VARS1: variants seen among roughly 807,000 people sequenced by gnomAD.
The protein encoded by VARS1 is valyl-tRNA synthetase 1.
VARS1 carries 92 observed loss-of-function variants against 161.0 expected under a neutral mutation model. The ratio of observed to expected loss-of-function variants is 0.57; its 90% CI spans 0.48 to 0.68. VARS1 has a LOEUF of 0.68. Ranked by LOEUF, VARS1 falls within the 30% of genes least tolerant of loss-of-function variation. The pLI, the probability that VARS1 is intolerant of heterozygous loss-of-function variation, is 0.00. For synonymous variants in VARS1, 595 were observed against 682.5 expected (o/e 0.87, Z 2.00); for missense variants, 1,338 against 1,695.9 (o/e 0.79, Z 3.71).
rs1311636896 is a variant in VARS1, at chr6:31,778,503, T to C, written c.3726+464A>G. 6.6e-6 allele frequency among the ~76,000 whole-genome samples: 1 copy of C among 151,912 alleles called. No homozygotes were observed. Among genetic ancestry groups the C allele is most frequent in the African/African-American group, 2.4e-5 (1 of 41,358 alleles). On this transcript the variant is annotated intron_variant, in intron 29 of 29. Transcript: ENST00000375663. The surrounding 1 kb of genome is among the most constrained non-coding windows in gnomAD (Gnocchi z 5.1). The stretch of plus-strand genomic sequence containing the variant: ...GTCCAGCTTCCAGACCAGGATTGGT[T>C]TTTGTTTTGTTTTGTTTTTTTTCCA...
At position 31,781,487 on chromosome 6, in the gene VARS1, A is replaced by G. The variant is rs1343762468; in HGVS notation, c.2538T>C (p.Phe846=). The part of the protein sequence containing the change: ...LGLKLTGRLP[F]REVYLHAIVR... Reference sequence around the variant, plus strand: ...GTCTCGGCTGTCTCCGCACCTCTCTAAAGGGCAGCCTGCCCGTGAGCTTCA... The same window carrying G: ...GTCTCGGCTGTCTCCGCACCTCTCTGAAGGGCAGCCTGCCCGTGAGCTTCA... The change falls in exon 21 of 30, where the codon TTT becomes TTC. Residue 846 remains phenylalanine, a synonymous_variant. Coordinates refer to ENST00000375663, the MANE Select transcript of VARS1 (RefSeq NM_006295.3). The surrounding 1 kb of genome is among the most constrained non-coding windows in gnomAD (Gnocchi z 6.8). 6.2e-7 allele frequency: 1 copy of G among 1,612,478 alleles called. No individual in the cohort carries two copies. Among genetic ancestry groups the G allele is most frequent in the Admixed American group, 1.7e-5 (1 of 59,990 alleles).
chr6:31,784,224 G>C lies in VARS1; in HGVS notation c.1661C>G (p.Thr554Ser). 1.9e-6 allele frequency: 3 copies of C among 1,614,148 alleles called. No individual in the cohort carries two copies. The highest frequency in any genetic ancestry group is 2.5e-6 in the Non-Finnish European group (3 of 1,180,046). Residue 554 changes from threonine to serine, a missense_variant, in exon 13 of 30, where the codon ACC (threonine) becomes AGC (serine). Thr to Ser is a moderately conservative substitution (Grantham distance 58). Coordinates refer to ENST00000375663, the MANE Select transcript of VARS1 (RefSeq NM_006295.3). This position sits in a 1 kb window ranked among gnomAD's most constrained non-coding sequence, Gnocchi z 6.1. ...DVAVAVHPKD[T>S]RYQHLKGKNV... ...TGGACAGTCCCCCACCTGGTATCTG[G>C]TATCTTTGGGGTGCACAGCTACAGC...
Position 31,780,167 on chromosome 6 carries a change from G to T in VARS1, c.2926-14C>A, listed in dbSNP as rs376084333. The stretch of plus-strand genomic sequence containing the variant: ...ATGGCCTCCGGGCTTGGGGAGAGAG[G>T]GTGTATCAGCCGGCGGGCCAGGGGA... On this transcript the variant is annotated splice_polypyrimidine_tract_variant and intron_variant, in intron 25 of 29. Coordinates refer to ENST00000375663, the MANE Select transcript of VARS1 (RefSeq NM_006295.3). The surrounding 1 kb of genome is among the most constrained non-coding windows in gnomAD (Gnocchi z 5.1). 15 of 1,612,636 alleles carry T rather than the reference G, an allele frequency of 9.3e-6. No homozygotes were observed. The highest frequency in any genetic ancestry group is 1.2e-5 in the Non-Finnish European group (14 of 1,179,754).
intron 8 of VARS1, among the ~76,000 whole-genome samples, chr6:31,790,861 A>G (rs1581657182): frequency 6.6e-6 from 1 of 152,314 alleles, no homozygotes; most frequent in Middle Eastern, 3.4e-3. Flanking sequence ...GTACGTGTAT[A>G]TGTAAGTAAA....
Position 31,784,483 on chromosome 6 carries a change from G to C in VARS1, c.1487C>G (p.Thr496Arg). 6.2e-7 allele frequency: 1 copy of C among 1,614,090 alleles called. No homozygotes were observed. Among genetic ancestry groups the C allele is most frequent in the Non-Finnish European group, 8.5e-7 (1 of 1,180,032 alleles). Residue 496 changes from threonine (T) to arginine (R), a missense_variant, in exon 12 of 30, where the codon ACA (threonine) becomes AGA (arginine). Around this residue, in one of 3 missense-constraint regions of VARS1, gnomAD observed 902 missense variants for 1,090.3 expected, o/e 0.83. Transcript: ENST00000375663. The surrounding 1 kb of genome is among the most constrained non-coding windows in gnomAD (Gnocchi z 6.1). ...AGGCACGGAGAGCAGGGTGCGACCTGTCAGCTCCTTCTTATCCACCTGTAA... is the reference window on the plus strand; with the variant it reads ...AGGCACGGAGAGCAGGGTGCGACCTCTCAGCTCCTTCTTATCCACCTGTAA... The part of the protein sequence containing the change: ...SDIEVDKKEL[T>R]GRTLLSVPGY...
intron 2 of VARS1, among the ~76,000 whole-genome samples, chr6:31,794,384 C>A (rs1330030383): frequency 6.6e-6 from 1 of 152,192 alleles, no homozygotes; most frequent in Non-Finnish European, 1.5e-5. Flanking sequence ...TAGTTACAAT[C>A]TGGCAGGGTT....
At chr6:31,794,093 CAAAAAA>C (rs33960246) in intron 2 of VARS1, among the ~76,000 whole-genome samples, 4 of 71,164 alleles carry the variant, frequency 5.6e-5, no homozygotes, top group Non-Finnish European at 9.1e-5. Context: ...GATTCTGTCT[CAAAAAA>C]AAAAAAAAAA....
At position 31,784,250 on chromosome 6, in the gene VARS1, C is replaced by A. The variant is rs1272083453; in HGVS notation, c.1635G>T (p.Val545=). The A allele has an allele frequency of 6.2e-7, 1 of 1,614,076 alleles. No homozygotes were observed. The highest frequency in any genetic ancestry group is 1.7e-5 in the Admixed American group (1 of 60,002). ...TTRIETMLGD[V]AVAVHPKDTR... ...TATCTTTGGGGTGCACAGCTACAGC[C>A]ACATCTCCCAGCATTGTCTCGATCC... is the stretch of plus-strand genomic sequence containing the variant. Residue 545 remains valine (V), a synonymous_variant, in exon 13 of 30, where the codon GTG becomes GTT. Coordinates refer to ENST00000375663, the MANE Select transcript of VARS1 (RefSeq NM_006295.3). This position sits in a 1 kb window ranked among gnomAD's most constrained non-coding sequence, Gnocchi z 6.1.
intron 2 of VARS1, 86 bp downstream of exon 2, chr6:31,794,744 AC>A: frequency 6.9e-7 from 1 of 1,455,064 alleles, no homozygotes; most frequent in Non-Finnish European, 9.2e-7. Flanking sequence ...CATCTGATGT[AC>A]TACCTTCTTG....
chr6:31,792,992 G>A lies in VARS1; in HGVS notation c.516C>T (p.Phe172=), dbSNP rs779054420. Residue 172 remains phenylalanine (F), a synonymous_variant, in exon 3 of 30, where the codon TTC becomes TTT. Transcript: ENST00000375663. ...CCCAGGCCTGGTGACTCACGTATCGGAAAGGCAGCAGCAAGGCTGTGACAG... is the reference window on the plus strand; with the variant it reads ...CCCAGGCCTGGTGACTCACGTATCGAAAAGGCAGCAGCAAGGCTGTGACAG... ...LAAVTALLLP[F]RYVLDPPARR... The A allele has an allele frequency of 9.3e-6, 15 of 1,613,634 alleles. No homozygotes were observed. The highest frequency in any genetic ancestry group is 3.3e-4 in the Middle Eastern group (2 of 6,062).
rs1370405963 is a variant in VARS1 at position 31,779,588 on chromosome 6, C to T, written c.3288+20G>A. The T allele has an allele frequency of 1.2e-6, 2 of 1,611,348 alleles. No individual in the cohort carries two copies. The highest frequency in any genetic ancestry group is 1.7e-6 in the Non-Finnish European group (2 of 1,178,988). ...GGCCTGGAGGGCAGGTCAGACTCCC[C>T]TCTCCAGGCCATGCCATACCTCTGA... On this transcript the variant is annotated intron_variant, in intron 27 of 29. Coordinates refer to ENST00000375663, the MANE Select transcript of VARS1 (RefSeq NM_006295.3). The surrounding 1 kb of genome is among the most constrained non-coding windows in gnomAD (Gnocchi z 9.1).
At position 31,782,167 on chromosome 6, in the gene VARS1, T is replaced by C. The variant is rs749304155; in HGVS notation, c.2161A>G (p.Ile721Val). The change falls in exon 18 of 30, where the codon ATT (isoleucine) becomes GTT (valine). Residue 721 changes from isoleucine to valine, a missense_variant. Transcript: ENST00000375663. This position sits in a 1 kb window ranked among gnomAD's most constrained non-coding sequence, Gnocchi z 8.3. ...TGGCCCCACCACAGCTGCCTGGAAA[T>C]GCACCACTCCCTGCAAATGTCGGGG... ...AWMDNIREWC[I>V]SRQLWWGHRI... 2.5e-6 allele frequency: 4 copies of C among 1,613,768 alleles called. No individual in the cohort carries two copies. The highest frequency in any genetic ancestry group is 3.4e-6 in the Non-Finnish European group (4 of 1,179,850).
intron 8 of VARS1, among the ~76,000 whole-genome samples, chr6:31,787,228 A>G (rs936077800): frequency 5.3e-5 from 8 of 152,228 alleles, no homozygotes. Flanking sequence ...AAATAAATAA[A>G]TAAACAAATA....
Position 31,784,508 on chromosome 6 carries a change from A to C in VARS1, c.1468-6T>G. 1 of 1,613,976 alleles carries C rather than the reference A, an allele frequency of 6.2e-7. No individual in the cohort carries two copies. The highest frequency in any genetic ancestry group is 1.1e-5 in the South Asian group (1 of 91,086). ...GTCAGCTCCTTCTTATCCACCTGTA[A>C]AATGGGTATTTAGAGGCGTGGCCCA... On this transcript the variant is annotated splice_region_variant and splice_polypyrimidine_tract_variant and intron_variant, in intron 11 of 29. Transcript: ENST00000375663. The surrounding 1 kb of genome is among the most constrained non-coding windows in gnomAD (Gnocchi z 6.1).
chr6:31,782,944 T>C lies in VARS1; in HGVS notation c.1763-99A>G. The C allele has an allele frequency of 6.5e-7, 1 of 1,533,314 alleles. No homozygotes were observed. The highest frequency in any genetic ancestry group is 1.4e-5 in the African/African-American group (1 of 73,196). 95.0% of individuals were successfully genotyped at this position (1,533,314 alleles called of 1,614,324 possible). A position where few individuals can be genotyped will look rare whatever the true frequency, so the allele number is the denominator to read the frequency against. ...AAGGATGTAGCTCCGAGACCACTCC[T>C]GGCCCCCACTTGTCTAATACAGTCC... On this transcript the variant is annotated intron_variant, in intron 14 of 29. Coordinates refer to ENST00000375663, the MANE Select transcript of VARS1 (RefSeq NM_006295.3). The surrounding 1 kb of genome is among the most constrained non-coding windows in gnomAD (Gnocchi z 8.3).
In VARS1 at chr6:31,778,757, T is replaced by C. The variant is rs1009733076; in HGVS notation, c.3726+210A>G. On this transcript the variant is annotated intron_variant, in intron 29 of 29. Transcript: ENST00000375663. This position sits in a 1 kb window ranked among gnomAD's most constrained non-coding sequence, Gnocchi z 5.1. Reference sequence around the variant, plus strand: ...CCTGGGCTCAAGTGATCCACCCACCTTGGCCTCCCAAATTTCTGGGATTAC... The same window carrying C: ...CCTGGGCTCAAGTGATCCACCCACCCTGGCCTCCCAAATTTCTGGGATTAC... 1 of 652,968 alleles carries C rather than the reference T, an allele frequency of 1.5e-6. No homozygotes were observed. Among genetic ancestry groups the C allele is most frequent in the Non-Finnish European group, 2.6e-6 (1 of 389,814 alleles). 40.4% of individuals were successfully genotyped at this position (652,968 alleles called of 1,614,324 possible). A position where few individuals can be genotyped will look rare whatever the true frequency, so the allele number is the denominator to read the frequency against.
rs1813360542 is a variant in VARS1 at position 31,784,437 on chromosome 6, C to T, written c.1533G>A (p.Glu511=). Residue 511 remains glutamate (E), a synonymous_variant, in exon 12 of 30, where the codon GAG becomes GAA. Coordinates refer to ENST00000375663, the MANE Select transcript of VARS1 (RefSeq NM_006295.3). The surrounding 1 kb of genome is among the most constrained non-coding windows in gnomAD (Gnocchi z 6.1). ...LSVPGYKEKV[E]FGVLVSFAYK... Reference sequence around the variant, plus strand: ...AGGCAAAGGACACGAGGACCCCGAACTCCACCTTCTCCTTGTAGCCAGGCA... The same window carrying T: ...AGGCAAAGGACACGAGGACCCCGAATTCCACCTTCTCCTTGTAGCCAGGCA... The T allele has an allele frequency of 6.2e-7, 1 of 1,614,142 alleles. No individual in the cohort carries two copies. Among genetic ancestry groups the T allele is most frequent in the Non-Finnish European group, 8.5e-7 (1 of 1,180,046 alleles).
rs756919824 is a variant in VARS1 at position 31,791,964 on chromosome 6, A to C, written c.879T>G (p.Ser293Arg). The C allele has an allele frequency of 8.7e-5, 138 of 1,589,384 alleles. No individual in the cohort carries two copies. Among genetic ancestry groups the C allele is most frequent in the Non-Finnish European group, 1.1e-4 (134 of 1,166,738 alleles). Reference protein sequence around the residue: ...PTPPGEKKDVSGPMPDSYSPR... With the variant: ...PTPPGEKKDVRGPMPDSYSPR... ...GGCTGTAGGAGTCGGGCATGGGGCCACTGACATCTGGGGGAGAGGAAGGGA... is the reference window on the plus strand; with the variant it reads ...GGCTGTAGGAGTCGGGCATGGGGCCCCTGACATCTGGGGGAGAGGAAGGGA... The change falls in exon 7 of 30, where the codon AGT (serine) becomes AGG (arginine). Residue 293 changes from serine to arginine, a missense_variant. Transcript: ENST00000375663. This position sits in a 1 kb window ranked among gnomAD's most constrained non-coding sequence, Gnocchi z 5.0.
rs1813019223 is a variant in VARS1, at chr6:31,779,896, T to C, written c.3082-82A>G. On this transcript the variant is annotated intron_variant, in intron 26 of 29. Coordinates refer to ENST00000375663, the MANE Select transcript of VARS1 (RefSeq NM_006295.3). This position sits in a 1 kb window ranked among gnomAD's most constrained non-coding sequence, Gnocchi z 9.1. Reference sequence around the variant, plus strand: ...GTGCCTGTGAGGACTGGGAAGGGGATGGGTTGGCTTAGGTCTCAAGGCCAA... The same window carrying C: ...GTGCCTGTGAGGACTGGGAAGGGGACGGGTTGGCTTAGGTCTCAAGGCCAA... The C allele has an allele frequency of 1.2e-6, 2 of 1,601,940 alleles. No individual in the cohort carries two copies. Among genetic ancestry groups the C allele is most frequent in the Non-Finnish European group, 1.7e-6 (2 of 1,173,210 alleles).
Sources: gnomAD v4.1 joint callset for allele counts (sites outside exome capture counted in the v4.1 genomes callset) on GRCh38, gnomAD v4.1.1 for gene constraint, gnomAD v4.1.1 regional missense constraint, Gnocchi (gnomAD v3.1) non-coding constraint, MANE v1.5 for transcripts, NCBI Gene and HGNC (gene_info 2026-07-23, HGNC 2026-07-21) for gene names.